Variants in MIS18A observed in about 807,000 individuals in gnomAD.
The protein encoded by MIS18A is protein Mis18-alpha.
In MIS18A, 14 loss-of-function variants were observed where a neutral mutation model predicts 25.0. That is an observed-to-expected ratio of 0.56 (90% confidence interval 0.37 to 0.88). The LOEUF (loss-of-function observed/expected upper bound fraction) is 0.88. MIS18A is among the 40% of genes least tolerant of loss of function. MIS18A has a pLI of 0.00. For missense variants in MIS18A, 292 were observed against 290.8 expected (o/e 1.00, Z -0.03); for synonymous variants, 134 against 118.6 (o/e 1.13, Z -0.84).
chr21:32,260,638 G>T, the MIS18A span: 1 of 152,668 alleles, frequency 6.6e-6, no homozygotes, highest in African/African-American at 2.4e-5. Context: ...AAGGAGGCAG[G>T]AGGCCACTGG....
At chr21:32,243,026 A>C in the MIS18A span, among the ~76,000 whole-genome samples, 40 of 152,326 alleles carry the variant, frequency 2.6e-4, no homozygotes, top group South Asian at 8.3e-3. Flanking sequence ...ATGGCTTTCC[A>C]ACAAACGGTG....
At chr21:32,154,705 A>T in the MIS18A span, among the ~76,000 whole-genome samples, 2 of 151,236 alleles carry the variant, frequency 1.3e-5, no homozygotes, top group African/African-American at 4.9e-5. Context: ...ATATACTGGT[A>T]TTTGGAGGGA....
At chr21:32,184,046 A>C in the MIS18A span, among the ~76,000 whole-genome samples, 1 of 151,424 alleles carries the variant, frequency 6.6e-6, no homozygotes, top group African/African-American at 2.4e-5. Flanking sequence ...CTAAACCCCC[A>C]CTCTGTCTAC....
the MIS18A span, among the ~76,000 whole-genome samples, chr21:32,172,787 G>A: frequency 1.3e-5 from 2 of 152,034 alleles, no homozygotes; most frequent in Non-Finnish European, 2.9e-5. Context: ...ATAGAATTGG[G>A]AGTTCAAAAA....
chr21:32,244,229 A>G, the MIS18A span, among the ~76,000 whole-genome samples: 1 of 152,230 alleles, frequency 6.6e-6, no homozygotes, highest in Non-Finnish European at 1.5e-5. Context: ...GACAGAAGAA[A>G]GCACAGTGGA....
chr21:32,278,464 G>A, intron 1 of MIS18A: 1 of 558,748 alleles, frequency 1.8e-6, no homozygotes, highest in South Asian at 2.4e-5. Context: ...GCTCTTCTGG[G>A]ATCGGGGACC....
At chr21:32,163,843 G>A in the MIS18A span, among the ~76,000 whole-genome samples, 1 of 152,286 alleles carries the variant, frequency 6.6e-6, no homozygotes, top group Non-Finnish European at 1.5e-5. Flanking sequence ...TCATTTGTTT[G>A]TGTTGCTATA....
At chr21:32,265,338 C>T (rs1387119434), downstream of MIS18A, among the ~76,000 whole-genome samples, 3 of 152,218 alleles carry the variant, frequency 2.0e-5, no homozygotes, top group East Asian at 5.8e-4. Context: ...GAGGGAGAGG[C>T]ACGAGCGGGA....
the MIS18A span, among the ~76,000 whole-genome samples, chr21:32,166,645 T>C: frequency 6.6e-6 from 1 of 152,118 alleles, no homozygotes; most frequent in Non-Finnish European, 1.5e-5. Flanking sequence ...ATAAAATAAT[T>C]ATACATGAGT....
At chr21:32,212,911 G>A in the MIS18A span, among the ~76,000 whole-genome samples, 1 of 151,708 alleles carries the variant, frequency 6.6e-6, no homozygotes, top group Non-Finnish European at 1.5e-5. Flanking sequence ...ATGTGGAACT[G>A]TGAGTCCATT....
At chr21:32,258,712 G>A in the MIS18A span, among the ~76,000 whole-genome samples, 5 of 152,134 alleles carry the variant, frequency 3.3e-5, no homozygotes, top group Non-Finnish European at 7.4e-5. Flanking sequence ...CAAGAAAGCC[G>A]GGAAGAACTG....
At chr21:32,239,077 A>T in the MIS18A span, among the ~76,000 whole-genome samples, 3 of 152,314 alleles carry the variant, frequency 2.0e-5, no homozygotes, top group African/African-American at 2.4e-5. Flanking sequence ...TCTTAGCAAA[A>T]TATTAACAGC....
intron 4 of MIS18A, 148 bp from the exon 5 acceptor site, chr21:32,269,265 T>A (rs1351017250): frequency 1.6e-6 from 1 of 610,838 alleles, no homozygotes; most frequent in African/African-American, 1.9e-5. Context: ...CAAAACTATT[T>A]AGAGGCATAA....
At chr21:32,214,921 C>A in the MIS18A span, among the ~76,000 whole-genome samples, 6 of 152,338 alleles carry the variant, frequency 3.9e-5, no homozygotes, top group Middle Eastern at 6.8e-3. Flanking sequence ...CAGTGTGAGT[C>A]AAGACCACTG....
At chr21:32,260,352 T>A in the MIS18A span, 1 of 152,030 alleles carries the variant, frequency 6.6e-6, no homozygotes, top group Non-Finnish European at 1.5e-5. Flanking sequence ...TCAAGCAAGA[T>A]CTTGAAGGAC....
At chr21:32,229,426 A>G in the MIS18A span, among the ~76,000 whole-genome samples, 104 of 152,282 alleles carry the variant, frequency 6.8e-4, no homozygotes, top group African/African-American at 2.3e-3. Flanking sequence ...TTGCGAGAGC[A>G]TGGTGGTTTT....
chr21:32,258,945 C>G, the MIS18A span, among the ~76,000 whole-genome samples: 1 of 152,124 alleles, frequency 6.6e-6, no homozygotes, highest in Non-Finnish European at 1.5e-5. Context: ...AAGATAACAG[C>G]TCACTGCAGC....
intron 2 of MIS18A, among the ~76,000 whole-genome samples, chr21:32,272,796 C>G (rs1267601388): frequency 6.6e-6 from 1 of 152,034 alleles, no homozygotes; most frequent in African/African-American, 2.4e-5. Context: ...ACAGTTGGTA[C>G]CTGGTACACA....
At chr21:32,277,411 T>C (rs1290125738) in intron 1 of MIS18A, among the ~76,000 whole-genome samples, 4 of 152,214 alleles carry the variant, frequency 2.6e-5, no homozygotes, top group Non-Finnish European at 4.4e-5. Context: ...GGGAATCTCA[T>C]TCAAACAAAG....
Sources: gnomAD v4.1 joint callset for allele counts (sites outside exome capture counted in the v4.1 genomes callset) on GRCh38, gnomAD v4.1.1 for gene constraint, MANE v1.5 for transcripts, NCBI Gene and HGNC (gene_info 2026-07-23, HGNC 2026-07-21) for gene names.